The following AARS1 variants were observed in gnomAD, a reference collection of about 807,000 sequenced individuals.
AARS1 encodes the protein alanyl-tRNA synthetase 1.
Under a neutral mutation model 108.9 loss-of-function variants are expected in AARS1, and 72 were observed. The observed-to-expected ratio is 0.66, with a 90% CI of 0.55 to 0.80. The LOEUF is 0.80. Ranked by LOEUF, AARS1 falls within the 30% of genes least tolerant of loss-of-function variation. AARS1 has a pLI of 0.00. For synonymous variants in AARS1, 489 were observed against 465.7 expected, an observed-to-expected ratio of 1.05 and a Z score of -0.64; for missense variants, 1,193 against 1,233.2, an observed-to-expected ratio of 0.97 and a Z score of 0.49.
At chr16:70,288,555 GTTCTGGGCTCTTTTTT>G (rs2152174156) in intron 1 of AARS1, among the ~76,000 whole-genome samples, 1 of 142,726 alleles carries the variant, frequency 7.0e-6, no homozygotes, top group Non-Finnish European at 1.5e-5. Context: ...AGCAACGACT[GTTCTGGGCTCTTTTTT>G]TTTTTTTTTT....
At chr16:70,254,858 G>C in intron 16 of AARS1, 124 bp from the exon 17 acceptor site, 1 of 692,676 alleles carries the variant, frequency 1.4e-6, no homozygotes, top group South Asian at 1.5e-5. Flanking sequence ...CACCCCAAAA[G>C]TGTCTGTGGG....
Position 70,260,751 on chromosome 16 carries a change from C to G in AARS1, c.1785+293G>C, listed in dbSNP as rs138355157. On this transcript the variant is annotated intron_variant, in intron 13 of 20. Coordinates refer to ENST00000261772, the MANE Select transcript of AARS1 (RefSeq NM_001605.3). ...GATCTTGGCTCACTGCAAGCTCCCC[C>G]TCCCGGGTTCACGCCATTCTCCTGC... 2.0e-5 allele frequency among the ~76,000 whole-genome samples: 3 copies of G among 152,114 alleles called. No homozygotes were observed. The East Asian group carries it at 5.8e-4, about 29-fold the overall frequency.
chr16:70,258,791 G>A lies in AARS1; in HGVS notation c.1992+189C>T, dbSNP rs111906601. 3.4e-3 allele frequency among the ~76,000 whole-genome samples: 513 copies of A among 152,230 alleles called. 1 individual carries two copies. Among genetic ancestry groups the A allele is most frequent in the African/African-American group, 0.011 (454 of 41,550 alleles). On this transcript the variant is annotated intron_variant, in intron 14 of 20. Coordinates refer to ENST00000261772, the MANE Select transcript of AARS1 (RefSeq NM_001605.3). ...AGGATGGTCTCAATCTCCTGACCTC[G>A]TGATCCGCCCGCCTCGGCCTCCCAA...
intron 7 of AARS1, 113 bp downstream of exon 7, chr16:70,269,505 G>C: frequency 2.0e-6 from 3 of 1,484,598 alleles, no homozygotes; most frequent in Admixed American, 1.9e-5. Flanking sequence ...TTGTACTCCA[G>C]CCTGGGCAAC....
Position 70,261,122 on chromosome 16 carries a change from T to A in AARS1, c.1707A>T (p.Arg569=). ...TEFTVKNAQV[R]GGYVLHIGTI... ...TTCCAATGTGTAGCACATACCCTCC[T>A]CGGACCTGAGCATTCTTCACTGTAA... is the stretch of plus-strand genomic sequence containing the variant. The change falls in exon 13 of 21, where the codon CGA becomes CGT. Residue 569 remains arginine (R), a synonymous_variant. Transcript: ENST00000261772. 1 of 1,613,822 alleles carries A rather than the reference T, an allele frequency of 6.2e-7. No homozygotes were observed. The highest frequency in any genetic ancestry group is 8.5e-7 in the Non-Finnish European group (1 of 1,179,810).
rs906100846 is a variant in AARS1, at chr16:70,252,640, C to T, written c.*81G>A. The T allele has an allele frequency of 2.0e-6, 3 of 1,529,638 alleles. No individual in the cohort carries two copies. The African/African-American group carries it at 4.1e-5, about 21-fold the overall frequency. 94.8% of individuals were successfully genotyped at this position (1,529,638 alleles called of 1,614,324 possible). A position where few individuals can be genotyped will look rare whatever the true frequency, so the allele number is the denominator to read the frequency against. On this transcript the variant is annotated 3_prime_UTR_variant, in exon 21 of 21. Transcript: ENST00000261772. ...GGTTAGGAGGGGCTCTTTAAAGGTC[C>T]CAAGATTCAAATGTTCTTGTAGCAG...
rs1294076779 is a variant in AARS1 at position 70,261,164 on chromosome 16, G to C, written c.1672-7C>G. The stretch of plus-strand genomic sequence containing the variant: ...TCACTGTAAACTCTGTTTTCTAAGA[G>C]GGGTCAAGGAAGAGACCAATAAATA... On this transcript the variant is annotated splice_polypyrimidine_tract_variant and splice_region_variant and intron_variant, in intron 12 of 20. Coordinates refer to ENST00000261772, the MANE Select transcript of AARS1 (RefSeq NM_001605.3). 16 of 1,603,158 alleles carry C rather than the reference G, an allele frequency of 1.0e-5. No individual in the cohort carries two copies. Among genetic ancestry groups the C allele is most frequent in the African/African-American group, 1.3e-5 (1 of 74,624 alleles).
chr16:70,281,779 G>C (rs1783009606), intron 2 of AARS1, among the ~76,000 whole-genome samples: 1 of 152,196 alleles, frequency 6.6e-6, no homozygotes, highest in African/African-American at 2.4e-5. Context: ...TTAAGCCCAG[G>C]AGTCTGAGGC....
At chr16:70,260,233 C>A (rs1167179220) in intron 13 of AARS1, among the ~76,000 whole-genome samples, 1 of 152,144 alleles carries the variant, frequency 6.6e-6, no homozygotes, top group Non-Finnish European at 1.5e-5. Flanking sequence ...GTTTGCCAAC[C>A]CCTGGCCTAG....
In AARS1 at chr16:70,269,602, T is replaced by C. The variant is rs768846274; in HGVS notation, c.962+16A>G. The C allele has an allele frequency of 3.3e-5, 53 of 1,613,432 alleles. No individual in the cohort carries two copies. In the Admixed American group the frequency reaches 8.5e-4, roughly 26 times the overall value. ...TGGTGCCGCTCCAAACACCACCCAG[T>C]GTGCAGCATACTTACCCACGCCCTG... On this transcript the variant is annotated intron_variant, in intron 7 of 20. Transcript: ENST00000261772.
At chr16:70,284,037 T>G (rs1307586546) in intron 1 of AARS1, among the ~76,000 whole-genome samples, 1 of 151,882 alleles carries the variant, frequency 6.6e-6, no homozygotes, top group Admixed American at 6.6e-5. Flanking sequence ...CATAGCAAGA[T>G]CTTGTCAGTA....
intron 16 of AARS1, among the ~76,000 whole-genome samples, chr16:70,255,111 C>A (rs948902975): frequency 1.3e-5 from 2 of 151,828 alleles, no homozygotes; most frequent in Admixed American, 6.6e-5. Context: ...CATGGATCAG[C>A]GCTGGGGGCC....
chr16:70,288,431 T>TC (rs11432930), intron 1 of AARS1, among the ~76,000 whole-genome samples: 5,441 of 150,964 alleles, frequency 0.036, 346 homozygotes, highest in African/African-American at 0.12. Flanking sequence ...TTGATAAGGC[T>TC]CCCCCTCTTT....
intron 15 of AARS1, 121 bp from the exon 16 acceptor site, chr16:70,255,957 G>T: frequency 1.1e-6 from 1 of 914,032 alleles, no homozygotes; most frequent in Non-Finnish European, 1.7e-6. Flanking sequence ...CTGGGCTTGA[G>T]AGTATTCTGA....
At chr16:70,285,021 G>A (rs1420363763) in intron 1 of AARS1, among the ~76,000 whole-genome samples, 1 of 152,208 alleles carries the variant, frequency 6.6e-6, no homozygotes, top group African/African-American at 2.4e-5. Context: ...CCTGAGGTCA[G>A]GAGTTGAAGA....
rs1033300766 is a variant in AARS1, at chr16:70,271,871, C to T, written c.581G>A (p.Arg194Gln). The change falls in exon 5 of 21, where the codon CGG becomes CAG. Residue 194 changes from arginine to glutamine, a missense_variant. Physicochemically the swap from Arg to Gln is conservative, Grantham distance 43. Coordinates refer to ENST00000261772, the MANE Select transcript of AARS1 (RefSeq NM_001605.3). ...CGPCSEIHYD[R>Q]IGGRDAAHLV... ...ATGTGCGGCGTCCCGACCACCAATC[C>T]GGTCGTAGTGGATCTCACTGCAAGG... 21 of 1,613,842 alleles carry T rather than the reference C, an allele frequency of 1.3e-5. No homozygotes were observed. Among genetic ancestry groups the T allele is most frequent in the Non-Finnish European group, 1.7e-5 (20 of 1,179,902 alleles).
intron 9 of AARS1, among the ~76,000 whole-genome samples, chr16:70,266,156 A>G (rs1005222113): frequency 2.4e-4 from 36 of 152,084 alleles, no homozygotes; most frequent in Admixed American, 6.6e-5. Flanking sequence ...TACTAAAAAT[A>G]CAAAAAAATT....
chr16:70,271,816 C>G lies in AARS1; in HGVS notation c.636G>C (p.Leu212=). 6.2e-7 allele frequency: 1 copy of G among 1,613,800 alleles called. No homozygotes were observed. Among genetic ancestry groups the G allele is most frequent in the Non-Finnish European group, 8.5e-7 (1 of 1,179,788 alleles). The change falls in exon 5 of 21, where the codon CTG becomes CTC. Residue 212 remains leucine (L), a synonymous_variant. Coordinates refer to ENST00000261772, the MANE Select transcript of AARS1 (RefSeq NM_001605.3). The part of the protein sequence containing the change: ...HLVNQDDPNV[L]EIWNLVFIQY... ...GGATGAACACAAGGTTCCAGATCTC[C>G]AGCACATTAGGGTCGTCCTGGTTGA...
intron 10 of AARS1, 146 bp downstream of exon 10, chr16:70,265,392 C>T: frequency 7.7e-7 from 1 of 1,290,818 alleles, no homozygotes; most frequent in Non-Finnish European, 1.1e-6. Context: ...CCCTGGAAGG[C>T]AGACTCGCCC....
Sources: gnomAD v4.1 joint callset for allele counts (sites outside exome capture counted in the v4.1 genomes callset) on GRCh38, gnomAD v4.1.1 for gene constraint, MANE v1.5 for transcripts, NCBI Gene and HGNC (gene_info 2026-07-23, HGNC 2026-07-21) for gene names.